Variants in SIM1 observed in about 807,000 individuals in gnomAD.
The protein encoded by SIM1 is SIM bHLH transcription factor 1.
Under a neutral mutation model 78.2 loss-of-function variants are expected in SIM1, and 18 were observed. The observed-to-expected ratio is 0.23, with a 90% confidence interval of 0.16 to 0.34. SIM1 has a LOEUF of 0.34. Ranked by LOEUF, SIM1 falls within the 10% of genes least tolerant of loss-of-function variation. SIM1 has a pLI of 1.00. For synonymous variants in SIM1, 417 were observed against 385.2 expected (o/e 1.08, Z -0.97); for missense variants, 939 against 975.1 (o/e 0.96, Z 0.49).
At chr6:100,435,578 G>C (rs1378442961) in intron 9 of SIM1, among the ~76,000 whole-genome samples, 1 of 152,046 alleles carries the variant, frequency 6.6e-6, no homozygotes, top group Non-Finnish European at 1.5e-5. Context: ...TTTCAGCTTA[G>C]AGCTAACAAC....
At position 100,390,594 on chromosome 6, in the gene SIM1, C is replaced by A; in HGVS notation, c.2068G>T (p.Asp690Tyr). ...SDISPHQTAG[D>Y]HPTVSPNCFG... The stretch of plus-strand genomic sequence containing the variant: ...CAGTTTGGAGAGACAGTAGGGTGGT[C>A]TCCTGCTGTCTGATGAGGAGATATA... The change falls in exon 12 of 12, where the codon GAC becomes TAC. Residue 690 changes from aspartate to tyrosine, a missense_variant. Physicochemically the swap from Asp to Tyr is radical, Grantham distance 160 (BLOSUM62 -3). This residue lies in a region of SIM1 where 556 missense variants were observed against 521.9 expected (regional missense o/e 1.07). Transcript: ENST00000369208. 1 of 1,614,132 alleles carries A rather than the reference C, an allele frequency of 6.2e-7. No individual in the cohort carries two copies. The highest frequency in any genetic ancestry group is 1.1e-5 in the South Asian group (1 of 91,076).
chr6:100,454,835 G>C (rs569337632), intron 2 of SIM1, among the ~76,000 whole-genome samples: 4 of 152,040 alleles, frequency 2.6e-5, no homozygotes, highest in African/African-American at 9.7e-5. Flanking sequence ...AAACAAAGAA[G>C]GCAAAAAAAC....
intron 10 of SIM1, among the ~76,000 whole-genome samples, chr6:100,401,635 G>T (rs1770919119): frequency 6.6e-6 from 1 of 151,952 alleles, no homozygotes; most frequent in Non-Finnish European, 1.5e-5. Flanking sequence ...AGCAAATGTG[G>T]CAAATGCTAA....
chr6:100,445,706 C>G (rs1003978784), intron 9 of SIM1, among the ~76,000 whole-genome samples: 4 of 152,124 alleles, frequency 2.6e-5, no homozygotes, highest in Non-Finnish European at 4.4e-5. Context: ...TGATTACTAA[C>G]CACAGGCACC....
intron 3 of SIM1, among the ~76,000 whole-genome samples, chr6:100,451,631 C>A (rs1196334055): frequency 6.6e-6 from 1 of 151,978 alleles, no homozygotes; most frequent in Non-Finnish European, 1.5e-5. Context: ...GATGGTCAAG[C>A]CTGAAATGGG....
chr6:100,411,461 A>G (rs1256360092), intron 10 of SIM1, among the ~76,000 whole-genome samples: 1 of 152,128 alleles, frequency 6.6e-6, no homozygotes, highest in Non-Finnish European at 1.5e-5. Flanking sequence ...TTATTACACA[A>G]TGTGGCATTT....
chr6:100,446,311 A>C (rs1302999182), intron 9 of SIM1, among the ~76,000 whole-genome samples: 1 of 152,182 alleles, frequency 6.6e-6, no homozygotes, highest in Non-Finnish European at 1.5e-5. Context: ...CTAATGTCTA[A>C]ATAGCATTCT....
At chr6:100,425,821 T>C (rs750458560) in intron 9 of SIM1, among the ~76,000 whole-genome samples, 4 of 152,214 alleles carry the variant, frequency 2.6e-5, no homozygotes, top group Admixed American at 6.5e-5. Context: ...AGTAGAATCA[T>C]GTATTTAATG....
chr6:100,448,787 C>T lies in SIM1; in HGVS notation c.544-109G>A, dbSNP rs1468588140. 6 of 943,490 alleles carry T rather than the reference C, an allele frequency of 6.4e-6. No homozygotes were observed. In the Admixed American group the frequency reaches 1.0e-4, roughly 16 times the overall value. The allele number at this position is 943,490 out of a possible 1,614,324, so 58.4% of individuals were successfully genotyped here. On this transcript the variant is annotated intron_variant, in intron 6 of 11. Transcript: ENST00000369208. ...AACTCTGCTTAGCCCCAAAGCAGTG[C>T]TGACCACGCCCGTGCACTAAGGAAT...
At chr6:100,394,752 C>A (rs1269301167) in intron 10 of SIM1, among the ~76,000 whole-genome samples, 1 of 152,102 alleles carries the variant, frequency 6.6e-6, no homozygotes, top group Non-Finnish European at 1.5e-5. Flanking sequence ...GTTTAAGGCT[C>A]CAATCTCCTG....
intron 11 of SIM1, 121 bp downstream of exon 11, chr6:100,393,366 T>G: frequency 2.2e-6 from 2 of 896,998 alleles, no homozygotes; most frequent in South Asian, 3.7e-5. Context: ...TTTAATCCCA[T>G]TGGTTCTGAT....
At chr6:100,430,196 G>T (rs1771865781) in intron 9 of SIM1, among the ~76,000 whole-genome samples, 1 of 152,172 alleles carries the variant, frequency 6.6e-6, no homozygotes, top group Non-Finnish European at 1.5e-5. Context: ...CACATTTCTT[G>T]TTCTGAGGGA....
chr6:100,405,505 C>T (rs1386218955), intron 10 of SIM1, among the ~76,000 whole-genome samples: 1 of 152,016 alleles, frequency 6.6e-6, no homozygotes, highest in Non-Finnish European at 1.5e-5. Context: ...GATTTCCCCC[C>T]ATTATTTTAT....
chr6:100,453,331 G>T (rs1265717046), intron 3 of SIM1, among the ~76,000 whole-genome samples: 1 of 152,190 alleles, frequency 6.6e-6, no homozygotes, highest in East Asian at 1.9e-4. Flanking sequence ...AAAGACGTGG[G>T]CTTAAAGCAC....
chr6:100,403,962 C>G (rs1770991878), intron 10 of SIM1, among the ~76,000 whole-genome samples: 1 of 152,182 alleles, frequency 6.6e-6, no homozygotes, highest in South Asian at 2.1e-4. Flanking sequence ...AGAACTCTTA[C>G]TCTTTTCACT....
chr6:100,438,217 C>A lies in SIM1; in HGVS notation c.998+9051G>T, dbSNP rs180798085. On this transcript the variant is annotated intron_variant, in intron 9 of 11. Transcript: ENST00000369208. ...AAATATTTGCAAACTGTGCATCTGA[C>A]AAAGAACGAGTATTCAAAATTTTCA... Among the ~76,000 whole-genome samples, 220 of 152,250 alleles carry A rather than the reference C, an allele frequency of 1.4e-3. 1 individual carries two copies. The highest frequency in any genetic ancestry group is 5.0e-3 in the African/African-American group (207 of 41,550).
rs1042329136 is a variant in SIM1 at position 100,388,399 on chromosome 6, T to A, written c.*1962A>T. 2.0e-5 allele frequency: 3 copies of A among 152,210 alleles called. No individual in the cohort carries two copies. Among genetic ancestry groups the A allele is most frequent in the Non-Finnish European group, 2.9e-5 (2 of 68,022 alleles). 9.4% of individuals were successfully genotyped at this position (152,210 alleles called of 1,614,324 possible). A position where few individuals can be genotyped will look rare whatever the true frequency, so the allele number is the denominator to read the frequency against. On this transcript the variant is annotated 3_prime_UTR_variant, in exon 12 of 12. Coordinates refer to ENST00000369208, the MANE Select transcript of SIM1 (RefSeq NM_005068.3). ...AGTGAATCTGCACAGTTCAAACCCA[T>A]GTTATTCAAGGGTCAACTGCACTTT...
intron 9 of SIM1, among the ~76,000 whole-genome samples, chr6:100,432,324 T>G (rs1771925665): frequency 1.3e-5 from 2 of 152,058 alleles, no homozygotes; most frequent in Non-Finnish European, 2.9e-5. Flanking sequence ...CATTTGTAGG[T>G]CTGGGGTTGA....
At chr6:100,445,183 T>C (rs1772325277) in intron 9 of SIM1, among the ~76,000 whole-genome samples, 1 of 152,198 alleles carries the variant, frequency 6.6e-6, no homozygotes, top group Non-Finnish European at 1.5e-5. Context: ...CTGTTCATTA[T>C]GAAAATCCTG....
Sources: allele counts gnomAD v4.1 joint callset (sites outside exome capture counted in the v4.1 genomes callset), GRCh38; gene constraint gnomAD v4.1.1; regional missense constraint gnomAD v4.1.1; transcripts MANE v1.5; gene names NCBI Gene and HGNC (gene_info 2026-07-23, HGNC 2026-07-21).